Variants in FHIP1A observed in about 807,000 individuals in gnomAD.
FHIP1A encodes the protein FHF complex subunit HOOK interacting protein 1A, also known as FHF complex subunit HOOK-interacting protein 1A.
In FHIP1A, 61 loss-of-function variants were observed where a neutral mutation model predicts 88.6. The ratio of observed to expected loss-of-function variants is 0.69; its 90% CI spans 0.56 to 0.85. The LOEUF (loss-of-function observed/expected upper bound fraction) is 0.85, where lower values mean the gene tolerates loss of function less well. Among genes scored for constraint, FHIP1A ranks in the 40% least tolerant of loss-of-function variants. The pLI, the probability that FHIP1A is intolerant of heterozygous loss-of-function variation, is 0.00. For synonymous variants in FHIP1A, 478 were observed against 496.0 expected (o/e 0.96, Z 0.48); for missense variants, 1,154 against 1,273.5 (o/e 0.91, Z 1.43).
chr4:151,559,671 A>C (rs1309813573), intron 3 of FHIP1A, among the ~76,000 whole-genome samples: 1 of 152,202 alleles, frequency 6.6e-6, no homozygotes. Context: ...TAACCAAACC[A>C]GTATTGATGG....
intron 1 of FHIP1A, chr4:151,436,295 A>G (rs1728196270): frequency 6.6e-6 from 1 of 152,172 alleles, no homozygotes; most frequent in Non-Finnish European, 1.5e-5. Flanking sequence ...CATTAAATAG[A>G]ATCTTTTATC....
At chr4:151,561,488 G>T (rs1308637775) in intron 3 of FHIP1A, among the ~76,000 whole-genome samples, 1 of 152,074 alleles carries the variant, frequency 6.6e-6, no homozygotes, top group Admixed American at 6.5e-5. Context: ...TCTAAGAAGA[G>T]GTTGTCTGAG....
chr4:151,647,040 C>A (rs574767274), intron 10 of FHIP1A, among the ~76,000 whole-genome samples: 1 of 152,224 alleles, frequency 6.6e-6, no homozygotes, highest in African/African-American at 2.4e-5. Context: ...TCTTCGGAAA[C>A]AAGACGGGGG....
chr4:151,614,314 C>G (rs950976978), intron 7 of FHIP1A, among the ~76,000 whole-genome samples: 1 of 151,872 alleles, frequency 6.6e-6, no homozygotes, highest in East Asian at 1.9e-4. Flanking sequence ...ACAAAAGATA[C>G]AAAAATCACC....
intron 3 of FHIP1A, among the ~76,000 whole-genome samples, chr4:151,521,183 T>C (rs1731431109): frequency 6.6e-6 from 1 of 152,214 alleles, no homozygotes; most frequent in African/African-American, 2.4e-5. Context: ...TTGTAAATGC[T>C]TAGCTTCTTT....
In FHIP1A at chr4:151,667,963, C is replaced by A. The variant is rs1450056341; in HGVS notation, c.*5209C>A. Among the ~76,000 whole-genome samples, 1 of 152,140 alleles carries A rather than the reference C, an allele frequency of 6.6e-6. No individual in the cohort carries two copies. The highest frequency in any genetic ancestry group is 1.5e-5 in the Non-Finnish European group (1 of 68,034). ...CAGAAGTCTGTGCTGCTTAGTGTGT[C>A]AGCTGACTTTTTACTGGGACAAGTC... is the stretch of plus-strand genomic sequence containing the variant. On this transcript the variant is annotated 3_prime_UTR_variant, in exon 14 of 14. Transcript: ENST00000435205.
At chr4:151,454,892 C>T (rs145852433) in intron 2 of FHIP1A, 84 bp downstream of exon 2, 3 of 151,946 alleles carry the variant, frequency 2.0e-5, no homozygotes, top group African/African-American at 7.2e-5. Flanking sequence ...GTTAATTTTC[C>T]TTGGCCCCTT....
At chr4:151,517,243 A>G (rs1731275335) in intron 3 of FHIP1A, among the ~76,000 whole-genome samples, 1 of 151,682 alleles carries the variant, frequency 6.6e-6, no homozygotes, top group African/African-American at 2.4e-5. Context: ...ATAGGCGGGA[A>G]TTGAACAATG....
intron 3 of FHIP1A, among the ~76,000 whole-genome samples, chr4:151,549,997 G>A (rs1429471056): frequency 6.6e-6 from 1 of 152,056 alleles, no homozygotes; most frequent in Non-Finnish European, 1.5e-5. Flanking sequence ...TTTAAAAAGG[G>A]TTTATTTTTG....
At chr4:151,552,907 A>T (rs1433739752) in intron 3 of FHIP1A, among the ~76,000 whole-genome samples, 1 of 151,954 alleles carries the variant, frequency 6.6e-6, no homozygotes. Context: ...GTGTGTGTGT[A>T]TGTGTGTGTT....
chr4:151,579,898 C>G (rs11940881), intron 5 of FHIP1A, among the ~76,000 whole-genome samples: 42,023 of 151,950 alleles, frequency 0.28, 6,154 homozygotes, highest in Non-Finnish European at 0.33. Context: ...GTATTTTATG[C>G]TTTTATTTGT....
At chr4:151,496,344 C>T (rs1235520871) in intron 3 of FHIP1A, among the ~76,000 whole-genome samples, 1 of 151,832 alleles carries the variant, frequency 6.6e-6, no homozygotes, top group Non-Finnish European at 1.5e-5. Context: ...TACTCATATT[C>T]GGTAGCTTTG....
intron 3 of FHIP1A, among the ~76,000 whole-genome samples, chr4:151,541,846 T>C (rs1486670971): frequency 6.6e-6 from 1 of 152,246 alleles, no homozygotes; most frequent in Non-Finnish European, 1.5e-5. Flanking sequence ...TGCTCCATGA[T>C]TCCTTGCTAA....
At chr4:151,605,022 T>C (rs1412631705) in intron 7 of FHIP1A, among the ~76,000 whole-genome samples, 2 of 152,110 alleles carry the variant, frequency 1.3e-5, no homozygotes, top group Non-Finnish European at 2.9e-5. Flanking sequence ...TGGGAAAATC[T>C]CCATCCAGAT....
intron 1 of FHIP1A, among the ~76,000 whole-genome samples, chr4:151,450,719 A>G (rs1728761810): frequency 6.6e-6 from 1 of 152,148 alleles, no homozygotes; most frequent in Admixed American, 6.5e-5. Flanking sequence ...TAATATTTGT[A>G]CATATGAATG....
chr4:151,540,692 A>G (rs998256835), intron 3 of FHIP1A, among the ~76,000 whole-genome samples: 2 of 152,200 alleles, frequency 1.3e-5, no homozygotes, highest in Non-Finnish European at 2.9e-5. Flanking sequence ...AGTTTAGAAA[A>G]TAAAAAATAT....
At chr4:151,531,124 T>A (rs759268169) in intron 3 of FHIP1A, among the ~76,000 whole-genome samples, 2 of 152,092 alleles carry the variant, frequency 1.3e-5, no homozygotes, top group Non-Finnish European at 2.9e-5. Context: ...ATTATCATGC[T>A]TCTAATGTAT....
intron 7 of FHIP1A, among the ~76,000 whole-genome samples, chr4:151,607,490 T>C (rs1160176516): frequency 6.6e-6 from 1 of 152,218 alleles, no homozygotes; most frequent in Non-Finnish European, 1.5e-5. Flanking sequence ...TGTAAGAGGC[T>C]TTGACTTGGG....
chr4:151,496,594 G>T (rs1430212194), intron 3 of FHIP1A, among the ~76,000 whole-genome samples: 2 of 151,974 alleles, frequency 1.3e-5, no homozygotes, highest in Non-Finnish European at 2.9e-5. Flanking sequence ...TATCACTCAG[G>T]CTAGGGTGCA....
Sources: allele counts gnomAD v4.1 joint callset (sites outside exome capture counted in the v4.1 genomes callset), GRCh38; gene constraint gnomAD v4.1.1; transcripts MANE v1.5; gene names NCBI Gene and HGNC (gene_info 2026-07-23, HGNC 2026-07-21).